TVP23A: variants seen among roughly 807,000 people sequenced by gnomAD.
The protein encoded by TVP23A is trans-golgi network vesicle protein 23 homolog A.
A neutral mutation model predicts 31.7 loss-of-function variants in TVP23A; 21 were observed. The ratio of observed to expected loss-of-function variants is 0.66; its 90% CI spans 0.47 to 0.95. TVP23A has a LOEUF of 0.95. Ranked by LOEUF, TVP23A falls within the 40% of genes least tolerant of loss-of-function variation. TVP23A has a pLI of 0.00. For synonymous variants in TVP23A, 104 were observed against 96.0 expected (o/e 1.08, Z -0.49); for missense variants, 279 against 255.6 (o/e 1.09, Z -0.62).
At position 10,768,142 on chromosome 16, in the gene TVP23A, G is replaced by T; in HGVS notation, c.*960C>A. Reference sequence around the variant, plus strand: ...GGTGGTGGGGTCTGTGATGACCACAGAGTGGCCCCCATAGCCGAGGAAGCC... The same window carrying T: ...GGTGGTGGGGTCTGTGATGACCACATAGTGGCCCCCATAGCCGAGGAAGCC... On this transcript the variant is annotated 3_prime_UTR_variant, in exon 8 of 8. Transcript: ENST00000299866. The surrounding 1 kb of genome is among the most constrained non-coding windows in gnomAD (Gnocchi z 4.3). 1 of 949,472 alleles carries T rather than the reference G, an allele frequency of 1.1e-6. No individual in the cohort carries two copies. Among genetic ancestry groups the T allele is most frequent in the South Asian group, 1.4e-5 (1 of 71,000 alleles). The allele number at this position is 949,472 out of a possible 1,614,324, so 58.8% of individuals were successfully genotyped here.
intron 5 of TVP23A, among the ~76,000 whole-genome samples, chr16:10,772,863 C>T (rs1222513249): frequency 6.6e-6 from 1 of 152,074 alleles, no homozygotes; most frequent in Non-Finnish European, 1.5e-5. Flanking sequence ...GCACTAGAAG[C>T]CACTGAATTC....
In TVP23A at chr16:10,767,502, G is replaced by A. The variant is rs1172457722; in HGVS notation, c.*1600C>T. 2.3e-6 allele frequency: 1 copy of A among 432,680 alleles called. No homozygotes were observed. The highest frequency in any genetic ancestry group is 4.0e-6 in the Non-Finnish European group (1 of 247,122). The allele number at this position is 432,680 out of a possible 1,614,324, so 26.8% of individuals were successfully genotyped here. ...TGTGTGTGCGCACACATGCAAGTGT[G>A]CACATTTATATGCGCATAATCTTTC... On this transcript the variant is annotated 3_prime_UTR_variant, in exon 8 of 8. Transcript: ENST00000299866. The surrounding 1 kb of genome is among the most constrained non-coding windows in gnomAD (Gnocchi z 4.6).
Position 10,814,541 on chromosome 16 carries a change from T to C in TVP23A, c.89+3562A>G, listed in dbSNP as rs546213638. Among the ~76,000 whole-genome samples, 16 of 152,150 alleles carry C rather than the reference T, an allele frequency of 1.1e-4. No homozygotes were observed. In the East Asian group the frequency reaches 3.1e-3, roughly 29 times the overall value. ...GCCTCTGGGCCCCTTTCCTCTGTCA[T>C]CCCTGCCAGTGCCTTGGTCTGATCT... On this transcript the variant is annotated intron_variant, in intron 2 of 7. Coordinates refer to ENST00000299866, the MANE Select transcript of TVP23A (RefSeq NM_001079512.4).
intron 2 of TVP23A, among the ~76,000 whole-genome samples, chr16:10,815,260 A>T (rs2034387611): frequency 6.6e-6 from 1 of 152,024 alleles, no homozygotes; most frequent in South Asian, 2.1e-4. Flanking sequence ...AAAAACATAA[A>T]AATCAGCCAA....
intron 2 of TVP23A, among the ~76,000 whole-genome samples, chr16:10,788,062 T>C (rs1025241454): frequency 2.0e-5 from 3 of 152,222 alleles, no homozygotes; most frequent in Admixed American, 6.5e-5. Context: ...CCTGGCTTCA[T>C]ACATTTTAGG....
intron 2 of TVP23A, 102 bp downstream of exon 2, chr16:10,817,995 CAGACCT>C: frequency 1.0e-6 from 1 of 976,650 alleles, no homozygotes; most frequent in Non-Finnish European, 1.6e-6. Flanking sequence ...TCCCCAGCCC[CAGACCT>C]GGCACACAGT....
chr16:10,762,185 G>A (rs561044162), downstream of TVP23A: 68 of 221,242 alleles, frequency 3.1e-4, no homozygotes, highest in African/African-American at 1.3e-3. Flanking sequence ...TGCACATGGC[G>A]TCCAGGTTAC....
intron 2 of TVP23A, among the ~76,000 whole-genome samples, chr16:10,778,879 T>C (rs1442370764): frequency 6.6e-6 from 1 of 152,098 alleles, no homozygotes; most frequent in Admixed American, 6.6e-5. Flanking sequence ...GGCAGGAGAA[T>C]TGCTTGAACC....
rs1329320208 is a variant in TVP23A, at chr16:10,793,918, A to G, written c.90-18822T>C. ...TGTCTCACCAAAAAAAAAAAAAAAAAAAAAAAAAAAAAAAAGTATTTTTCA... is the reference window on the plus strand; with the variant it reads ...TGTCTCACCAAAAAAAAAAAAAAAAGAAAAAAAAAAAAAAAGTATTTTTCA... On this transcript the variant is annotated intron_variant, in intron 2 of 7. Transcript: ENST00000299866. Among the ~76,000 whole-genome samples, 9 of 151,122 alleles carry G rather than the reference A, an allele frequency of 6.0e-5. No homozygotes were observed. In the East Asian group the frequency reaches 1.7e-3, roughly 29 times the overall value.
chr16:10,789,720 A>T (rs1430691542), intron 2 of TVP23A, among the ~76,000 whole-genome samples: 1 of 148,928 alleles, frequency 6.7e-6, no homozygotes, highest in Non-Finnish European at 1.5e-5. Context: ...CTGTAATCCC[A>T]GCTACTTGGG....
chr16:10,782,946 C>T (rs894574910), intron 2 of TVP23A, among the ~76,000 whole-genome samples: 1 of 152,128 alleles, frequency 6.6e-6, no homozygotes, highest in African/African-American at 2.4e-5. Context: ...TTCAAAACAA[C>T]CCAAAATGAA....
At chr16:10,782,878 G>A (rs930551430) in intron 2 of TVP23A, among the ~76,000 whole-genome samples, 41 of 152,250 alleles carry the variant, frequency 2.7e-4, no homozygotes, top group African/African-American at 7.7e-4. Flanking sequence ...TACCCAGAGA[G>A]TGTGCCAACC....
At position 10,798,654 on chromosome 16, in the gene TVP23A, G is replaced by GTTTTGTTTTTGTTTTTGT. The variant is rs58138056; in HGVS notation, c.89+19431_89+19448dup. 7.3e-3 allele frequency among the ~76,000 whole-genome samples: 1,101 copies of GTTTTGTTTTTGTTTTTGT among 151,840 alleles called. 20 individuals carry two copies. Among genetic ancestry groups the GTTTTGTTTTTGTTTTTGT allele is most frequent in the African/African-American group, 0.025 (1,049 of 41,264 alleles). On this transcript the variant is annotated intron_variant, in intron 2 of 7. Coordinates refer to ENST00000299866, the MANE Select transcript of TVP23A (RefSeq NM_001079512.4). ...GGTTATCAACGACATGGCAGCTTAT[G>GTTTTGTTTTTGTTTTTGT]TTTTGTTTTTGTTTTTGTTTTTGTT...
At chr16:10,803,975 A>G (rs2033828380) in intron 2 of TVP23A, among the ~76,000 whole-genome samples, 1 of 152,260 alleles carries the variant, frequency 6.6e-6, no homozygotes, top group African/African-American at 2.4e-5. Flanking sequence ...TTCATGATAT[A>G]TGAAATCTAT....
At chr16:10,771,172 T>C (rs1021698226) in intron 6 of TVP23A, among the ~76,000 whole-genome samples, 1 of 152,158 alleles carries the variant, frequency 6.6e-6, no homozygotes, top group African/African-American at 2.4e-5. Flanking sequence ...ATAAAGTGGT[T>C]ATACTTAATG....
intron 2 of TVP23A, among the ~76,000 whole-genome samples, chr16:10,798,726 C>T (rs967428294): frequency 7.9e-5 from 12 of 151,992 alleles, no homozygotes; most frequent in Admixed American, 1.3e-4. Context: ...TGCAATGGTG[C>T]GATCTTGGCT....
chr16:10,786,667 C>T (rs942249934), intron 2 of TVP23A, among the ~76,000 whole-genome samples: 1 of 151,852 alleles, frequency 6.6e-6, no homozygotes, highest in South Asian at 2.1e-4. Context: ...CCTGAGTGTG[C>T]GGGGATGGGA....
chr16:10,786,153 C>G (rs1023444019), intron 2 of TVP23A, among the ~76,000 whole-genome samples: 10 of 152,158 alleles, frequency 6.6e-5, no homozygotes, highest in African/African-American at 2.2e-4. Flanking sequence ...GGCAGGTTGG[C>G]CTTAAGCATT....
intron 2 of TVP23A, 24 bp from the exon 3 acceptor site, chr16:10,775,120 C>T (rs772900462): frequency 1.3e-6 from 2 of 1,595,872 alleles, no homozygotes; most frequent in African/African-American, 2.7e-5. Flanking sequence ...CAGAAGGCGC[C>T]CTCACTCCAA....
Sources: allele counts gnomAD v4.1 joint callset (sites outside exome capture counted in the v4.1 genomes callset), GRCh38; gene constraint gnomAD v4.1.1; non-coding constraint Gnocchi (gnomAD v3.1); transcripts MANE v1.5; gene names NCBI Gene and HGNC (gene_info 2026-07-23, HGNC 2026-07-21).